Variants in MEGF8 observed in about 807,000 individuals in gnomAD.
MEGF8 encodes the protein multiple epidermal growth factor-like domains protein 8.
A neutral mutation model predicts 302.9 loss-of-function variants in MEGF8; 156 were observed. That is an observed-to-expected ratio of 0.52 (90% CI 0.45 to 0.59). MEGF8 has a LOEUF of 0.59. Ranked by LOEUF, MEGF8 falls within the 20% of genes least tolerant of loss-of-function variation. The probability of loss-of-function intolerance (pLI) is 0.00; values close to 1 mark genes in which losing one functional copy is unlikely to be tolerated. For missense variants in MEGF8, 3,345 were observed against 3,964.5 expected, an observed-to-expected ratio of 0.84 and a Z score of 4.20; for synonymous variants, 1,621 against 1,660.5, an observed-to-expected ratio of 0.98 and a Z score of 0.58.
intron 41 of MEGF8, among the ~76,000 whole-genome samples, chr19:42,372,685 T>G (rs1456703152): frequency 3.3e-5 from 5 of 152,134 alleles, no homozygotes; most frequent in Admixed American, 3.3e-4. Flanking sequence ...AATTTAATTT[T>G]TTTTGGACAC....
chr19:42,367,310 A>T (rs2039620815), intron 35 of MEGF8, among the ~76,000 whole-genome samples: 1 of 140,670 alleles, frequency 7.1e-6, no homozygotes, highest in African/African-American at 2.7e-5. Flanking sequence ...TTTTTTTGAG[A>T]CGGAGTCTCG....
At chr19:42,328,039 T>C (rs1391030332) in intron 1 of MEGF8, among the ~76,000 whole-genome samples, 2 of 152,096 alleles carry the variant, frequency 1.3e-5, no homozygotes, top group African/African-American at 2.4e-5. Flanking sequence ...AGTGAGCCAA[T>C]ATTGTGCCAC....
chr19:42,357,617 G>A lies in MEGF8; in HGVS notation c.5011+33G>A, dbSNP rs1300855020. On this transcript the variant is annotated intron_variant, in intron 28 of 41. Transcript: ENST00000251268. This position sits in a 1 kb window ranked among gnomAD's most constrained non-coding sequence, Gnocchi z 5.2. Reference sequence around the variant, plus strand: ...TGGGGACCGGGAGGGGACAGCCCCCGTGGACCTCCCGGGCATCTGGGCTTC... The same window carrying A: ...TGGGGACCGGGAGGGGACAGCCCCCATGGACCTCCCGGGCATCTGGGCTTC... The A allele has an allele frequency of 3.2e-5, 49 of 1,548,194 alleles. No homozygotes were observed. Among genetic ancestry groups the A allele is most frequent in the South Asian group, 4.7e-5 (4 of 85,322 alleles).
rs150607375 is a variant in MEGF8 at position 42,358,892 on chromosome 19, C to T, written c.5281C>T (p.Leu1761=). The change falls in exon 30 of 42, where the codon CTG becomes TTG. Residue 1761 remains leucine, a synonymous_variant. Transcript: ENST00000251268. This position sits in a 1 kb window ranked among gnomAD's most constrained non-coding sequence, Gnocchi z 4.4. ...GFREVRKKMA[L]WAALAGTGGF... Reference sequence around the variant, plus strand: ...CCGGGAAGTCAGGAAGAAGATGGCTCTGTGGGCTGCTCTTGCTGGTACAGG... The same window carrying T: ...CCGGGAAGTCAGGAAGAAGATGGCTTTGTGGGCTGCTCTTGCTGGTACAGG... The T allele has an allele frequency of 1.2e-5, 20 of 1,611,558 alleles. No individual in the cohort carries two copies. Among genetic ancestry groups the T allele is most frequent in the Admixed American group, 1.7e-5 (1 of 59,632 alleles).
rs2039689532 is a variant in MEGF8, at chr19:42,371,438, C to G, written c.7225C>G (p.Gln2409Glu). The change falls in exon 41 of 42, where the codon CAG (glutamine) becomes GAG (glutamate). Residue 2409 changes from glutamine (Q) to glutamate (E), a missense_variant. By Grantham distance (29) the Gln-to-Glu change is conservative. Coordinates refer to ENST00000251268, the MANE Select transcript of MEGF8 (RefSeq NM_001271938.2). Reference sequence around the variant, plus strand: ...GAATAACACAGAGACGGGCACATGCCAGGGCAGCTCCCCCAGTGACCGTCG... The same window carrying G: ...GAATAACACAGAGACGGGCACATGCGAGGGCAGCTCCCCCAGTGACCGTCG... ...CQNNTETGTC[Q>E]GSSPSDRRDC... 1 of 1,613,848 alleles carries G rather than the reference C, an allele frequency of 6.2e-7. No individual in the cohort carries two copies. The highest frequency in any genetic ancestry group is 1.3e-5 in the African/African-American group (1 of 74,946).
intron 8 of MEGF8, among the ~76,000 whole-genome samples, chr19:42,341,429 C>CAAAAAAAA (rs35096733): frequency 1.8e-5 from 1 of 56,996 alleles, no homozygotes; most frequent in African/African-American, 5.7e-5. Context: ...ACTCCATCTC[C>CAAAAAAAA]AAAAAAAAAA....
At chr19:42,371,506 G>A (rs774419367) in intron 41 of MEGF8, 24 bp downstream of exon 41, 8 of 1,613,470 alleles carry the variant, frequency 5.0e-6, no homozygotes, top group Non-Finnish European at 6.8e-6. Flanking sequence ...AGCTAGTGGT[G>A]GGCCGAGGGC....
rs1568564714 is a variant in MEGF8 at position 42,350,366 on chromosome 19, C to G, written c.2718C>G (p.Asp906Glu). The change falls in exon 15 of 42, where the codon GAC (aspartate) becomes GAG (glutamate). Residue 906 changes from aspartate (D) to glutamate (E), a missense_variant. Transcript: ENST00000251268. ...GCCCACTCTGCGAGGAGCATCGGGA[C>G]TGCCACGCCTGCACCCAGGTGCCTG... is the stretch of plus-strand genomic sequence containing the variant. ...TLCPLCEEHR[D>E]CHACTQDPFC... The G allele has an allele frequency of 6.4e-7, 1 of 1,563,122 alleles. No homozygotes were observed. The highest frequency in any genetic ancestry group is 1.2e-5 in the South Asian group (1 of 86,286).
In MEGF8 at chr19:42,344,993, A is replaced by ACT. The variant is rs2039268966; in HGVS notation, c.2097+160_2097+161insCT. On this transcript the variant is annotated intron_variant, in intron 12 of 41. Coordinates refer to ENST00000251268, the MANE Select transcript of MEGF8 (RefSeq NM_001271938.2). The surrounding 1 kb of genome is among the most constrained non-coding windows in gnomAD (Gnocchi z 4.5). ...GACTTTATTTTTTATTTTTTTTGAG[A>ACT]GGGAGTCTTGCTCTGTCACCCAGGC... Among the ~76,000 whole-genome samples, 1 of 151,860 alleles carries ACT rather than the reference A, an allele frequency of 6.6e-6. No homozygotes were observed. The highest frequency in any genetic ancestry group is 2.4e-5 in the African/African-American group (1 of 41,306).
In MEGF8 at chr19:42,352,919, GC is replaced by G. The variant is rs2039397460; in HGVS notation, c.3351-5del. On this transcript the variant is annotated splice_region_variant and splice_polypyrimidine_tract_variant and intron_variant, in intron 19 of 41. Transcript: ENST00000251268. The surrounding 1 kb of genome is among the most constrained non-coding windows in gnomAD (Gnocchi z 4.4). Reference sequence around the variant, plus strand: ...TGGCGCTTTCCCCACCCCCAACACGGCCCCTCAGGTGCTTGGAGGACTGTGG... The same window carrying G: ...TGGCGCTTTCCCCACCCCCAACACGGCCCTCAGGTGCTTGGAGGACTGTGG... 2 of 1,581,558 alleles carry G rather than the reference GC, an allele frequency of 1.3e-6. No individual in the cohort carries two copies. The highest frequency in any genetic ancestry group is 2.3e-5 in the South Asian group (2 of 85,994).
At chr19:42,339,829 C>T (rs1027424800) in intron 8 of MEGF8, among the ~76,000 whole-genome samples, 8 of 152,126 alleles carry the variant, frequency 5.3e-5, no homozygotes, top group African/African-American at 7.2e-5. Context: ...GACGCCATGG[C>T]GGGCAGATCA....
At position 42,375,850 on chromosome 19, in the gene MEGF8, C is replaced by T. The variant is rs767768711; in HGVS notation, c.7613C>T (p.Pro2538Leu). The stretch of plus-strand genomic sequence containing the variant: ...CCAGCCCCACCACCTCCACCACCCC[C>T]TGCAGATGGTGGGCCCCGGGGGGCT... Reference protein sequence around the residue: ...PPPAPPPPPPPADGGPRGAGD... With the variant: ...PPPAPPPPPPLADGGPRGAGD... The change falls in exon 42 of 42, where the codon CCT becomes CTT. Residue 2538 changes from proline to leucine, a missense_variant. Transcript: ENST00000251268. This position sits in a 1 kb window ranked among gnomAD's most constrained non-coding sequence, Gnocchi z 7.1. The T allele has an allele frequency of 3.1e-6, 5 of 1,609,378 alleles. No individual in the cohort carries two copies. In the South Asian group the frequency reaches 5.5e-5, roughly 18 times the overall value.
chr19:42,351,835 C>G lies in MEGF8; in HGVS notation c.3101+74C>G. Reference sequence around the variant, plus strand: ...CCATGACCGGTCATTCTAATGGCCTCTTTGCTTCTCTGCCCTCTTGCCCAT... The same window carrying G: ...CCATGACCGGTCATTCTAATGGCCTGTTTGCTTCTCTGCCCTCTTGCCCAT... On this transcript the variant is annotated intron_variant, in intron 18 of 41. Transcript: ENST00000251268. This position sits in a 1 kb window ranked among gnomAD's most constrained non-coding sequence, Gnocchi z 5.6. The G allele has an allele frequency of 8.0e-7, 1 of 1,253,384 alleles. No individual in the cohort carries two copies. Among genetic ancestry groups the G allele is most frequent in the South Asian group, 1.3e-5 (1 of 76,436 alleles). The allele number at this position is 1,253,384 out of a possible 1,614,324, so 77.6% of individuals were successfully genotyped here.
Position 42,369,060 on chromosome 19 carries a change from G to C in MEGF8, c.6641+58G>C. The C allele has an allele frequency of 6.3e-7, 1 of 1,591,420 alleles. No homozygotes were observed. The highest frequency in any genetic ancestry group is 8.5e-7 in the Non-Finnish European group (1 of 1,171,920). On this transcript the variant is annotated intron_variant, in intron 37 of 41. Coordinates refer to ENST00000251268, the MANE Select transcript of MEGF8 (RefSeq NM_001271938.2). This position sits in a 1 kb window ranked among gnomAD's most constrained non-coding sequence, Gnocchi z 5.7. ...GCTAGGGTGGGAGAGTCTGTGGGGA[G>C]CAGTAATGGATGAGGCCTAGAGCCA...
At position 42,344,166 on chromosome 19, in the gene MEGF8, C is replaced by T; in HGVS notation, c.1788+93C>T. On this transcript the variant is annotated intron_variant, in intron 10 of 41. Transcript: ENST00000251268. This position sits in a 1 kb window ranked among gnomAD's most constrained non-coding sequence, Gnocchi z 4.5. ...AACCAGATGGACAAGAACTTTCCCT[C>T]AACTGGGAGACTTGTTTTCATGCCG... 1.4e-6 allele frequency: 2 copies of T among 1,467,944 alleles called. No individual in the cohort carries two copies. Among genetic ancestry groups the T allele is most frequent in the East Asian group, 2.4e-5 (1 of 41,448 alleles). The allele number at this position is 1,467,944 out of a possible 1,614,324, so 90.9% of individuals were successfully genotyped here. A position where few individuals can be genotyped will look rare whatever the true frequency, so the allele number is the denominator to read the frequency against.
intron 8 of MEGF8, among the ~76,000 whole-genome samples, chr19:42,339,381 A>G (rs1330719230): frequency 6.6e-6 from 1 of 152,118 alleles, no homozygotes; most frequent in East Asian, 1.9e-4. Flanking sequence ...CGCATGTGTT[A>G]TTTTTTGACT....
chr19:42,369,347 G>A lies in MEGF8; in HGVS notation c.6642-184G>A, dbSNP rs979651872. Among the ~76,000 whole-genome samples, 1 of 152,226 alleles carries A rather than the reference G, an allele frequency of 6.6e-6. No homozygotes were observed. The highest frequency in any genetic ancestry group is 2.4e-5 in the African/African-American group (1 of 41,468). On this transcript the variant is annotated intron_variant, in intron 37 of 41. Coordinates refer to ENST00000251268, the MANE Select transcript of MEGF8 (RefSeq NM_001271938.2). The surrounding 1 kb of genome is among the most constrained non-coding windows in gnomAD (Gnocchi z 5.7). ...AAGAAAATAGGGTACCCTCAAAAGA[G>A]GAGAGAGGGTTGTGGGCTACACCTG...
At chr19:42,333,836 C>A in intron 2 of MEGF8, 68 bp downstream of exon 2, 1 of 1,583,280 alleles carries the variant, frequency 6.3e-7, no homozygotes. Context: ...GACAGAGAGT[C>A]AGTAAGAGGG....
chr19:42,355,766 G>T lies in MEGF8; in HGVS notation c.4153G>T (p.Val1385Leu), dbSNP rs369352974. 1 of 1,579,812 alleles carries T rather than the reference G, an allele frequency of 6.3e-7. No homozygotes were observed. ...LTVQALSGLL[V>L]LHWEANGSSS... The stretch of plus-strand genomic sequence containing the variant: ...GGCCTCTCTCTTCACAGGGCTGCTC[G>T]TGCTGCACTGGGAGGCCAATGGCTC... Residue 1385 changes from valine (V) to leucine (L), a missense_variant, in exon 24 of 42, where the codon GTG (valine) becomes TTG (leucine). Physicochemically the swap from Val to Leu is conservative, Grantham distance 32. Coordinates refer to ENST00000251268, the MANE Select transcript of MEGF8 (RefSeq NM_001271938.2).
Sources: allele counts gnomAD v4.1 joint callset (sites outside exome capture counted in the v4.1 genomes callset), GRCh38; gene constraint gnomAD v4.1.1; non-coding constraint Gnocchi (gnomAD v3.1); transcripts MANE v1.5; gene names NCBI Gene and HGNC (gene_info 2026-07-23, HGNC 2026-07-21).